Variants in PTPN20 observed in about 807,000 individuals in gnomAD.
The protein encoded by PTPN20 is tyrosine-protein phosphatase non-receptor type 20.
A neutral mutation model predicts 35.0 loss-of-function variants in PTPN20; 9 were observed. The observed-to-expected ratio is 0.26, with a 90% CI of 0.15 to 0.45. The LOEUF (loss-of-function observed/expected upper bound fraction) is 0.45. PTPN20 is among the 20% of genes least tolerant of loss of function. The pLI is 1.00. For missense variants in PTPN20, 111 were observed against 312.5 expected (o/e 0.36, Z 4.86); for synonymous variants, 32 against 100.2 (o/e 0.32, Z 4.06).
intron 9 of PTPN20, among the ~76,000 whole-genome samples, chr10:46,991,995 G>A (rs2058049172): frequency 6.6e-6 from 1 of 151,950 alleles, no homozygotes; most frequent in African/African-American, 2.4e-5. Context: ...GAAAAGTTTT[G>A]CGCACTATAT....
At chr10:46,995,333 C>CTTTTTTTTTTTTTT (rs878968027) in intron 9 of PTPN20, among the ~76,000 whole-genome samples, 11 of 85,682 alleles carry the variant, frequency 1.3e-4, no homozygotes, top group East Asian at 7.0e-4. Flanking sequence ...TTTTTTTTTT[C>CTTTTTTTTTTTTTT]TTTTTTTTTT....
intron 5 of PTPN20, among the ~76,000 whole-genome samples, chr10:46,950,341 G>T (rs1304035048): frequency 6.6e-6 from 1 of 150,924 alleles, no homozygotes; most frequent in Non-Finnish European, 1.5e-5. Flanking sequence ...AAACCCAGAT[G>T]CAGTCTTAGC....
At chr10:46,994,508 A>G in intron 9 of PTPN20, among the ~76,000 whole-genome samples, 1 of 150,176 alleles carries the variant, frequency 6.7e-6, no homozygotes, top group East Asian at 2.0e-4. Flanking sequence ...ATTTTTTTGT[A>G]TTTTTTTAGT....
chr10:46,948,750 C>A (rs1306466112), intron 5 of PTPN20, among the ~76,000 whole-genome samples: 2 of 151,412 alleles, frequency 1.3e-5, no homozygotes, highest in African/African-American at 4.9e-5. Context: ...CTGGTGCTTG[C>A]GTGCCTGGGG....
chr10:46,935,119 T>C (rs2041064346), intron 2 of PTPN20, among the ~76,000 whole-genome samples: 2 of 151,362 alleles, frequency 1.3e-5, no homozygotes, highest in South Asian at 2.1e-4. Context: ...ACCCAAACTT[T>C]TTTGTAGACT....
intron 9 of PTPN20, among the ~76,000 whole-genome samples, chr10:46,996,955 C>CT (rs1555181638): frequency 6.6e-6 from 1 of 152,066 alleles, no homozygotes; most frequent in African/African-American, 2.4e-5. Flanking sequence ...TTGAGCTATC[C>CT]TAGGGTCTGT....
chr10:46,964,538 A>C (rs1471159825), intron 5 of PTPN20, among the ~76,000 whole-genome samples: 2 of 147,880 alleles, frequency 1.4e-5, no homozygotes, highest in Middle Eastern at 3.5e-3. Context: ...TTCATGTTCA[A>C]TCTGTTTCAG....
chr10:46,928,489 T>C lies in PTPN20; in HGVS notation c.-123-3888T>C, dbSNP rs1199722504. 2.0e-5 allele frequency among the ~76,000 whole-genome samples: 3 copies of C among 152,318 alleles called. No homozygotes were observed. The East Asian group carries it at 5.8e-4, about 29-fold the overall frequency. On this transcript the variant is annotated intron_variant, in intron 1 of 10. Coordinates refer to ENST00000374339, the MANE Select transcript of PTPN20 (RefSeq NM_001042357.5). ...TCCCAATATGAATCCTTTTATTTTA[T>C]TTTTCTTGTTTTGCCTGATTGCATT...
intron 5 of PTPN20, among the ~76,000 whole-genome samples, chr10:46,948,244 G>A (rs1226217251): frequency 3.3e-5 from 5 of 151,868 alleles, no homozygotes; most frequent in Admixed American, 1.3e-4. Context: ...TTGTTAATGC[G>A]TTTTGTTTGC....
intron 2 of PTPN20, among the ~76,000 whole-genome samples, chr10:46,936,320 G>A (rs1343800871): frequency 2.6e-5 from 4 of 151,912 alleles, no homozygotes; most frequent in African/African-American, 9.7e-5. Context: ...ACCACCTCTT[G>A]TTTATACATC....
chr10:46,972,381 A>G (rs1198135076), intron 7 of PTPN20, among the ~76,000 whole-genome samples: 10 of 150,288 alleles, frequency 6.7e-5, no homozygotes, highest in African/African-American at 2.2e-4. Flanking sequence ...AACCATAATG[A>G]GATACCATTT....
chr10:46,957,531 G>A (rs1353327282), intron 5 of PTPN20, among the ~76,000 whole-genome samples: 1 of 152,092 alleles, frequency 6.6e-6, no homozygotes, highest in Non-Finnish European at 1.5e-5. Flanking sequence ...AGGTTGGGGA[G>A]TTCACGACCA....
At chr10:46,948,700 G>A (rs1416770312) in intron 5 of PTPN20, among the ~76,000 whole-genome samples, 5 of 152,028 alleles carry the variant, frequency 3.3e-5, no homozygotes, top group Admixed American at 3.3e-4. Flanking sequence ...TGCTTTAGAA[G>A]GGCTTTCTTT....
rs1303355522 is a variant in PTPN20, at chr10:46,947,236, T to A, written c.340+561T>A. The stretch of plus-strand genomic sequence containing the variant: ...TGTATATATATATATATATATATAT[T>A]TATAAAATTTGTGTTTGTAAACTTG... On this transcript the variant is annotated intron_variant, in intron 5 of 10. Transcript: ENST00000374339. 9.0e-3 allele frequency among the ~76,000 whole-genome samples: 1,127 copies of A among 125,468 alleles called. 2 individuals are homozygous for A. The highest frequency in any genetic ancestry group is 0.03 in the African/African-American group (1,049 of 34,708). The allele number at this position is 125,468 out of a possible 152,430, so 82.3% of individuals were successfully genotyped here.
chr10:46,929,581 C>T (rs1405442072), intron 1 of PTPN20, among the ~76,000 whole-genome samples: 1 of 151,452 alleles, frequency 6.6e-6, no homozygotes, highest in East Asian at 1.9e-4. Context: ...CTAATTAGTC[C>T]CTCAAACATT....
At chr10:46,999,081 G>A (rs1477325331) in intron 9 of PTPN20, among the ~76,000 whole-genome samples, 2 of 152,124 alleles carry the variant, frequency 1.3e-5, no homozygotes, top group East Asian at 3.8e-4. Flanking sequence ...AGACAACAGA[G>A]CAAGACCCTG....
intron 5 of PTPN20, chr10:46,946,899 A>C: frequency 2.0e-6 from 1 of 489,436 alleles, no homozygotes; most frequent in East Asian, 3.9e-5. Context: ...AAGTATTTTA[A>C]AGTATTAAAT....
At chr10:46,963,739 G>A (rs1317071498) in intron 5 of PTPN20, among the ~76,000 whole-genome samples, 2 of 94,172 alleles carry the variant, frequency 2.1e-5, no homozygotes, top group African/African-American at 6.3e-5. Flanking sequence ...ACTAACCAGA[G>A]GGGTAGAATC....
At chr10:46,949,308 T>A (rs1189669886) in intron 5 of PTPN20, among the ~76,000 whole-genome samples, 2 of 152,226 alleles carry the variant, frequency 1.3e-5, no homozygotes, top group Non-Finnish European at 2.9e-5. Flanking sequence ...TGTCTGTGGC[T>A]TTACGCTGTT....
Sources: gnomAD v4.1 joint callset for allele counts (sites outside exome capture counted in the v4.1 genomes callset) on GRCh38, gnomAD v4.1.1 for gene constraint, MANE v1.5 for transcripts, NCBI Gene and HGNC (gene_info 2026-07-23, HGNC 2026-07-21) for gene names.